Variants in PVT1 observed in about 807,000 individuals in gnomAD.
PVT1 encodes the protein CXCR4/PVT1 fusion.
At chr8:127,896,105 T>A (rs1815671737) in intron 3 of PVT1, among the ~76,000 whole-genome samples, 1 of 152,226 alleles carries the variant, frequency 6.6e-6, no homozygotes, top group Non-Finnish European at 1.5e-5. Context: ...TGCGCAGTGC[T>A]TTCATTAGGA....
At chr8:128,091,943 C>T (rs760141079) in intron 5 of PVT1, among the ~76,000 whole-genome samples, 1 of 152,110 alleles carries the variant, frequency 6.6e-6, no homozygotes, top group Non-Finnish European at 1.5e-5. Flanking sequence ...GAGAGCTGTC[C>T]TCATAAGATT....
At chr8:127,845,065 C>G (rs1315051678) in intron 2 of PVT1, among the ~76,000 whole-genome samples, 1 of 152,098 alleles carries the variant, frequency 6.6e-6, no homozygotes, top group Admixed American at 6.6e-5. Context: ...TGGAACCTAG[C>G]AGGTGTTTTA....
chr8:127,994,190 CA>C (rs1211850002), intron 4 of PVT1, among the ~76,000 whole-genome samples: 2 of 152,228 alleles, frequency 1.3e-5, no homozygotes, highest in Non-Finnish European at 2.9e-5. Flanking sequence ...TCCCTTCTTT[CA>C]GCTCTGTTTC....
chr8:128,064,260 G>C lies in PVT1; in HGVS notation n.913-5900G>C, dbSNP rs145900327. Among the ~76,000 whole-genome samples the C allele has an allele frequency of 2.4e-3, 359 of 152,280 alleles. 2 individuals carry two copies. Among genetic ancestry groups the C allele is most frequent in the African/African-American group, 7.9e-3 (330 of 41,548 alleles). On this transcript the variant is annotated intron_variant and non_coding_transcript_variant, in intron 4 of 10. Coordinates refer to ENST00000651587, the Ensembl canonical transcript of PVT1. ...AGACTGAGTTTGAGTATTGTTTTCC[G>C]GGCCTGGAGGAGGGGCTCAGCAGAG...
chr8:128,087,747 C>CTTTTTT lies in PVT1; in HGVS notation n.1115-8753_1115-8748dup, dbSNP rs71568675. Among the ~76,000 whole-genome samples the CTTTTTT allele has an allele frequency of 4.3e-3, 328 of 76,564 alleles. 17 individuals are homozygous for CTTTTTT. The highest frequency in any genetic ancestry group is 0.015 in the African/African-American group (317 of 20,462). The allele number at this position is 76,564 out of a possible 152,430, so 50.2% of individuals were successfully genotyped here. Reference sequence around the variant, plus strand: ...CTCTGCTGACATTCCTGATGTGCTACTTTTTTTTTTTTTTTTTTTTTTTGA... The same window carrying CTTTTTT: ...CTCTGCTGACATTCCTGATGTGCTACTTTTTTTTTTTTTTTTTTTTTTTTTTTTTGA... On this transcript the variant is annotated intron_variant and non_coding_transcript_variant, in intron 5 of 10. Transcript: ENST00000651587.
chr8:127,963,875 G>A (rs144335116), intron 3 of PVT1, among the ~76,000 whole-genome samples: 22 of 152,284 alleles, frequency 1.4e-4, no homozygotes, highest in African/African-American at 4.6e-4. Flanking sequence ...CTGATTCTTG[G>A]TTTGAATATA....
intron 2 of PVT1, among the ~76,000 whole-genome samples, chr8:127,800,477 G>A (rs936884445): frequency 6.6e-6 from 1 of 152,178 alleles, no homozygotes; most frequent in African/African-American, 2.4e-5. Context: ...CGGCCCCACT[G>A]TGTTAACAGT....
chr8:127,921,732 G>C (rs950285360), intron 3 of PVT1, among the ~76,000 whole-genome samples: 5 of 151,308 alleles, frequency 3.3e-5, no homozygotes, highest in Admixed American at 3.3e-4. Flanking sequence ...AGAATCACTT[G>C]AACTCAGGAG....
At chr8:128,083,472 G>C (rs1478664913) in intron 5 of PVT1, among the ~76,000 whole-genome samples, 1 of 152,178 alleles carries the variant, frequency 6.6e-6, no homozygotes, top group Non-Finnish European at 1.5e-5. Context: ...CAGCCACAAT[G>C]GTGGTTTCTT....
chr8:127,899,242 G>T (rs1353120351), intron 3 of PVT1, among the ~76,000 whole-genome samples: 1 of 152,224 alleles, frequency 6.6e-6, no homozygotes, highest in Non-Finnish European at 1.5e-5. Flanking sequence ...GCTAAGGGAG[G>T]ACACTTGGCC....
At chr8:127,882,496 T>A (rs2129789088) in intron 2 of PVT1, among the ~76,000 whole-genome samples, 1 of 152,236 alleles carries the variant, frequency 6.6e-6, no homozygotes, top group East Asian at 1.9e-4. Flanking sequence ...TCTTTTTTTT[T>A]TTTTGAGATG....
At chr8:128,085,955 CAA>C (rs1292947608) in intron 5 of PVT1, among the ~76,000 whole-genome samples, 12 of 152,322 alleles carry the variant, frequency 7.9e-5, no homozygotes, top group Non-Finnish European at 1.6e-4. Flanking sequence ...CGATAAAACA[CAA>C]AGATTAGTAC....
chr8:127,969,929 C>T (rs1315388868), intron 3 of PVT1, among the ~76,000 whole-genome samples: 1 of 152,190 alleles, frequency 6.6e-6, no homozygotes, highest in East Asian at 1.9e-4. Context: ...TCCATCCAGT[C>T]TGGGCGATAT....
At chr8:127,842,095 T>A (rs1340694727) in intron 2 of PVT1, among the ~76,000 whole-genome samples, 1 of 151,184 alleles carries the variant, frequency 6.6e-6, no homozygotes, top group Non-Finnish European at 1.5e-5. Context: ...TATTTTGTTA[T>A]CTTATTTTTA....
intron 2 of PVT1, among the ~76,000 whole-genome samples, chr8:127,841,217 A>G (rs1240115057): frequency 5.3e-5 from 8 of 152,018 alleles, no homozygotes. Context: ...ATCTTCATCC[A>G]CCTCTTGTTG....
chr8:127,994,289 A>G (rs778957037), intron 4 of PVT1, among the ~76,000 whole-genome samples: 19 of 152,110 alleles, frequency 1.2e-4, no homozygotes, highest in Non-Finnish European at 2.4e-4. Context: ...TCGCCTGGAA[A>G]CACGATCTCT....
chr8:127,963,868 A>C (rs1197289562), intron 3 of PVT1, among the ~76,000 whole-genome samples: 1 of 152,108 alleles, frequency 6.6e-6, no homozygotes, highest in Non-Finnish European at 1.5e-5. Flanking sequence ...CACTTCTCTG[A>C]TTCTTGGTTT....
intron 4 of PVT1, chr8:127,989,349 G>C (rs1315607659): frequency 1.3e-5 from 2 of 151,910 alleles, no homozygotes; most frequent in Non-Finnish European, 2.9e-5. Context: ...TGGAGTTGAC[G>C]ACCTCCTGCA....
intron 3 of PVT1, among the ~76,000 whole-genome samples, chr8:127,962,573 G>C (rs543147685): frequency 5.3e-5 from 8 of 152,152 alleles, no homozygotes; most frequent in African/African-American, 1.9e-4. Context: ...CCCAGGTTGC[G>C]GTTTTTGTCC....
Sources: gnomAD v4.1 joint callset for allele counts (sites outside exome capture counted in the v4.1 genomes callset) on GRCh38, gnomAD v4.1.1 for gene constraint, MANE v1.5 for transcripts, NCBI Gene and HGNC (gene_info 2026-07-23, HGNC 2026-07-21) for gene names.